The following PIP5K1B variants were observed in gnomAD, a reference collection of about 807,000 sequenced individuals.
The protein encoded by PIP5K1B is phosphatidylinositol-4-phosphate 5-kinase type 1 beta.
PIP5K1B carries 42 observed loss-of-function variants against 67.0 expected under a neutral mutation model. The observed-to-expected ratio is 0.63, with a 90% CI of 0.49 to 0.81. The LOEUF (loss-of-function observed/expected upper bound fraction) is 0.81, where lower values mean the gene tolerates loss of function less well. PIP5K1B is among the 30% of genes least tolerant of loss of function. The pLI is 0.00. For synonymous variants in PIP5K1B, 214 were observed against 231.4 expected (o/e 0.92, Z 0.68); for missense variants, 459 against 646.3 (o/e 0.71, Z 3.14).
chr9:68,815,455 A>G (rs936817566), intron 2 of PIP5K1B, among the ~76,000 whole-genome samples: 4 of 152,144 alleles, frequency 2.6e-5, no homozygotes, highest in African/African-American at 9.6e-5. Context: ...ATACACATGC[A>G]ACATTAGGAA....
chr9:68,929,309 T>C (rs1202550873), intron 12 of PIP5K1B, among the ~76,000 whole-genome samples: 2 of 152,182 alleles, frequency 1.3e-5, no homozygotes, highest in Non-Finnish European at 2.9e-5. Flanking sequence ...GATCTTCTCC[T>C]TAAGGTCCAG....
intron 4 of PIP5K1B, among the ~76,000 whole-genome samples, chr9:68,854,360 G>A (rs1822661890): frequency 1.3e-5 from 2 of 151,830 alleles, no homozygotes. Context: ...ATACTCCTAG[G>A]CCCAGGTGAT....
At chr9:68,718,211 A>G (rs1417655400) in intron 1 of PIP5K1B, among the ~76,000 whole-genome samples, 1 of 152,236 alleles carries the variant, frequency 6.6e-6, no homozygotes, top group Non-Finnish European at 1.5e-5. Flanking sequence ...GAGAGTAGAC[A>G]TATGATAGAA....
At chr9:68,837,714 C>T (rs1245318355) in intron 4 of PIP5K1B, among the ~76,000 whole-genome samples, 3 of 148,700 alleles carry the variant, frequency 2.0e-5, no homozygotes, top group South Asian at 2.1e-4. Context: ...GCTAGTAATG[C>T]CTTGCTTTAA....
At chr9:68,954,638 C>A (rs374796204) in intron 14 of PIP5K1B, among the ~76,000 whole-genome samples, 1 of 152,164 alleles carries the variant, frequency 6.6e-6, no homozygotes, top group African/African-American at 2.4e-5. Context: ...CATCATGAGA[C>A]AGTAAATCAG....
At chr9:68,883,669 G>A (rs928214838) in intron 6 of PIP5K1B, among the ~76,000 whole-genome samples, 3 of 151,926 alleles carry the variant, frequency 2.0e-5, no homozygotes, top group African/African-American at 7.3e-5. Context: ...CACAAGCTCA[G>A]AACAAAAATT....
At position 68,919,748 on chromosome 9, in the gene PIP5K1B, T is replaced by G; in HGVS notation, c.1116+19T>G. The G allele has an allele frequency of 7.1e-7, 1 of 1,411,510 alleles. No individual in the cohort carries two copies. The allele number at this position is 1,411,510 out of a possible 1,614,324, so 87.4% of individuals were successfully genotyped here. A position where few individuals can be genotyped will look rare whatever the true frequency, so the allele number is the denominator to read the frequency against. On this transcript the variant is annotated intron_variant, in intron 11 of 15. Coordinates refer to ENST00000265382, the MANE Select transcript of PIP5K1B (RefSeq NM_003558.4). ...TGATGGGGTAAGTGACTTATTTTCC[T>G]TATTATACTGTATATATTTCTGCTT...
intron 6 of PIP5K1B, among the ~76,000 whole-genome samples, chr9:68,883,876 GA>G (rs1824324519): frequency 6.6e-6 from 1 of 151,962 alleles, no homozygotes; most frequent in Non-Finnish European, 1.5e-5. Flanking sequence ...ACTTTTGACA[GA>G]AGTGGCAACC....
At chr9:68,742,893 T>G (rs1829084355) in intron 2 of PIP5K1B, among the ~76,000 whole-genome samples, 1 of 152,212 alleles carries the variant, frequency 6.6e-6, no homozygotes, top group Non-Finnish European at 1.5e-5. Flanking sequence ...ACACTCAAAA[T>G]GGTCTGTAGA....
At chr9:68,804,861 T>G (rs1832785469) in intron 2 of PIP5K1B, among the ~76,000 whole-genome samples, 1 of 152,228 alleles carries the variant, frequency 6.6e-6, no homozygotes. Context: ...AAGAATTAAA[T>G]GAGTTAATTC....
Position 68,864,000 on chromosome 9 carries a change from G to A in PIP5K1B, c.200+33G>A, listed in dbSNP as rs778195395. On this transcript the variant is annotated intron_variant, in intron 5 of 15. Coordinates refer to ENST00000265382, the MANE Select transcript of PIP5K1B (RefSeq NM_003558.4). ...CATTTTTATTTGTGATGATTTCCAT[G>A]CTAAGGAACCTTCTTTGTGACAACC... is the stretch of plus-strand genomic sequence containing the variant. The A allele has an allele frequency of 2.1e-5, 33 of 1,607,514 alleles. No homozygotes were observed. The African/African-American group carries it at 4.1e-4, about 20-fold the overall frequency.
rs763888519 is a variant in PIP5K1B, at chr9:68,940,687, C to T, written c.1399C>T (p.Pro467Ser). ...RHRPDLVPSTPSLFEAASLAT... is the reference protein window; with the variant it reads ...RHRPDLVPSTSSLFEAASLAT... ...CAGGCCAGACCTGGTCCCTAGCACT[C>T]CATCACTGTTTGAAGCTGCTTCCTT... Residue 467 changes from proline to serine, a missense_variant, in exon 14 of 16, where the codon CCA (proline) becomes TCA (serine). Coordinates refer to ENST00000265382, the MANE Select transcript of PIP5K1B (RefSeq NM_003558.4). 1 of 1,614,000 alleles carries T rather than the reference C, an allele frequency of 6.2e-7. No individual in the cohort carries two copies. The highest frequency in any genetic ancestry group is 8.5e-7 in the Non-Finnish European group (1 of 1,179,876).
At chr9:68,722,037 A>T (rs547545647) in intron 1 of PIP5K1B, among the ~76,000 whole-genome samples, 35 of 151,974 alleles carry the variant, frequency 2.3e-4, no homozygotes, top group African/African-American at 8.5e-4. Context: ...TCAGGCACAC[A>T]TTCTCTTTGG....
chr9:68,917,800 C>A, intron 9 of PIP5K1B, 41 bp downstream of exon 9: 1 of 1,409,886 alleles, frequency 7.1e-7, no homozygotes, highest in Non-Finnish European at 1.0e-6. Flanking sequence ...TTGACTGTGG[C>A]AGCCCACGTC....
At chr9:68,835,530 T>A (rs1001962546) in intron 4 of PIP5K1B, among the ~76,000 whole-genome samples, 1 of 152,202 alleles carries the variant, frequency 6.6e-6, no homozygotes, top group Non-Finnish European at 1.5e-5. Context: ...CTACTCCCAA[T>A]GGAATTTAAG....
intron 4 of PIP5K1B, among the ~76,000 whole-genome samples, chr9:68,826,104 T>C (rs1344771731): frequency 6.6e-6 from 1 of 152,250 alleles, no homozygotes; most frequent in Admixed American, 6.5e-5. Flanking sequence ...CTTCAGCTAA[T>C]GGCTAAAATA....
Position 68,891,766 on chromosome 9 carries a change from G to C in PIP5K1B, c.472-2573G>C, listed in dbSNP as rs557457429. On this transcript the variant is annotated intron_variant, in intron 7 of 15. Coordinates refer to ENST00000265382, the MANE Select transcript of PIP5K1B (RefSeq NM_003558.4). The stretch of plus-strand genomic sequence containing the variant: ...AATTTTTAGAAGTGATATGACTCCA[G>C]CAGATTTGCAGGATAAAAGGTAAAT... Among the ~76,000 whole-genome samples the C allele has an allele frequency of 4.6e-5, 7 of 152,228 alleles. No individual in the cohort carries two copies. In the East Asian group the frequency reaches 1.3e-3, roughly 29 times the overall value.
chr9:68,750,062 G>A (rs879565791), intron 2 of PIP5K1B, among the ~76,000 whole-genome samples: 2 of 152,222 alleles, frequency 1.3e-5, no homozygotes, highest in Non-Finnish European at 2.9e-5. Flanking sequence ...GATGTAATAT[G>A]TGTAAAGGCT....
intron 15 of PIP5K1B, among the ~76,000 whole-genome samples, chr9:68,995,365 T>A (rs1216537706): frequency 6.6e-6 from 1 of 152,222 alleles, no homozygotes; most frequent in African/African-American, 2.4e-5. Flanking sequence ...GCAGTACATC[T>A]AGAAAGTCCT....
Sources: allele counts gnomAD v4.1 joint callset (sites outside exome capture counted in the v4.1 genomes callset), GRCh38; gene constraint gnomAD v4.1.1; transcripts MANE v1.5; gene names NCBI Gene and HGNC (gene_info 2026-07-23, HGNC 2026-07-21).